Variants in PHF14 observed in about 807,000 individuals in gnomAD.
PHF14 encodes the protein PHD finger protein 14.
A neutral mutation model predicts 117.9 loss-of-function variants in PHF14; 55 were observed. The ratio of observed to expected loss-of-function variants is 0.47; its 90% CI spans 0.38 to 0.58. PHF14 has a LOEUF of 0.58. Among genes scored for constraint, PHF14 ranks in the 20% least tolerant of loss-of-function variants. The pLI is 0.00. For missense variants in PHF14, 978 were observed against 1,122.2 expected (o/e 0.87, Z 1.84); for synonymous variants, 409 against 368.6 (o/e 1.11, Z -1.26).
At chr7:11,125,792 AT>A (rs1787912068) in intron 17 of PHF14, among the ~76,000 whole-genome samples, 1 of 151,988 alleles carries the variant, frequency 6.6e-6, no homozygotes, top group Admixed American at 6.6e-5. Flanking sequence ...GATACAACCT[AT>A]TTTAATATTT....
intron 8 of PHF14, 96 bp from the exon 9 acceptor site, chr7:11,036,322 C>A: frequency 9.4e-7 from 1 of 1,066,120 alleles, no homozygotes; most frequent in Non-Finnish European, 1.4e-6. Context: ...TTCTGATTAT[C>A]TTTCTGTGAA....
chr7:11,002,812 A>C (rs1782925160), intron 4 of PHF14, among the ~76,000 whole-genome samples: 1 of 152,194 alleles, frequency 6.6e-6, no homozygotes, highest in East Asian at 1.9e-4. Flanking sequence ...GGCAAAAATG[A>C]AATGCTGATG....
chr7:11,003,281 C>G (rs1782947993), intron 4 of PHF14, among the ~76,000 whole-genome samples: 2 of 152,192 alleles, frequency 1.3e-5, no homozygotes, highest in Admixed American at 1.3e-4. Flanking sequence ...TAGCAGGACT[C>G]TCTGAGATCC....
intron 16 of PHF14, chr7:11,111,125 T>G (rs1787430705): frequency 2.4e-6 from 1 of 409,082 alleles, no homozygotes; most frequent in East Asian, 4.0e-5. Flanking sequence ...ATATTTGTTT[T>G]GTTTGTTGAT....
chr7:11,020,339 C>T (rs1267306324), intron 5 of PHF14, among the ~76,000 whole-genome samples: 6 of 152,136 alleles, frequency 3.9e-5, no homozygotes, highest in African/African-American at 1.4e-4. Context: ...GTCCTCCCAC[C>T]TCAGCCTTCC....
At chr7:11,122,398 CATATATAT>C (rs199497476) in intron 17 of PHF14, among the ~76,000 whole-genome samples, 6 of 123,526 alleles carry the variant, frequency 4.9e-5, no homozygotes, top group Non-Finnish European at 1.0e-4. Context: ...CATACACACA[CATATATAT>C]ATACACGTAT....
intron 5 of PHF14, among the ~76,000 whole-genome samples, chr7:11,019,897 T>G (rs1408962820): frequency 6.6e-6 from 1 of 152,202 alleles, no homozygotes; most frequent in Non-Finnish European, 1.5e-5. Flanking sequence ...GGGCTTTTGC[T>G]GTATCCCATA....
At chr7:11,044,324 A>AT (rs1554263657) in intron 13 of PHF14, among the ~76,000 whole-genome samples, 1 of 152,060 alleles carries the variant, frequency 6.6e-6, no homozygotes, top group East Asian at 1.9e-4. Flanking sequence ...AAAAGTTGAA[A>AT]TTAAAAAAAA....
intron 14 of PHF14, among the ~76,000 whole-genome samples, chr7:11,053,442 G>C (rs1784910068): frequency 6.6e-6 from 1 of 151,898 alleles, no homozygotes; most frequent in African/African-American, 2.4e-5. Flanking sequence ...GTTTATAAGG[G>C]AACTAGAGAG....
intron 13 of PHF14, among the ~76,000 whole-genome samples, chr7:11,050,120 ACT>A (rs1229556458): frequency 6.6e-6 from 1 of 152,120 alleles, no homozygotes; most frequent in Non-Finnish European, 1.5e-5. Context: ...TTGGTATTTA[ACT>A]CTTGTTGGAG....
At chr7:11,145,113 T>C (rs1283502697) in intron 17 of PHF14, among the ~76,000 whole-genome samples, 1 of 151,884 alleles carries the variant, frequency 6.6e-6, no homozygotes, top group Non-Finnish European at 1.5e-5. Context: ...ATGTCTATTT[T>C]ATACCACAAT....
At chr7:10,980,841 A>C (rs1782023723) in intron 2 of PHF14, among the ~76,000 whole-genome samples, 1 of 152,200 alleles carries the variant, frequency 6.6e-6, no homozygotes, top group African/African-American at 2.4e-5. Context: ...CTGAGAAATT[A>C]TGAATTCTGA....
At chr7:10,995,074 A>G (rs999092781) in intron 4 of PHF14, among the ~76,000 whole-genome samples, 2 of 152,178 alleles carry the variant, frequency 1.3e-5, no homozygotes, top group African/African-American at 2.4e-5. Context: ...AAGTTCTCCA[A>G]GTCCGCACAG....
At chr7:11,020,578 C>T (rs879379064) in intron 5 of PHF14, among the ~76,000 whole-genome samples, 2 of 152,024 alleles carry the variant, frequency 1.3e-5, no homozygotes, top group African/African-American at 4.8e-5. Flanking sequence ...GGGGTTTCAC[C>T]ATGTTGCGCA....
chr7:11,062,852 C>T (rs1785279270), intron 16 of PHF14: 1 of 984,682 alleles, frequency 1.0e-6, no homozygotes, highest in Non-Finnish European at 1.2e-6. Context: ...AGGACAGTGT[C>T]ACAAAAGTTC....
chr7:11,031,654 C>T lies in PHF14; in HGVS notation c.1455+2836C>T, dbSNP rs147865774. ...CTGTAGTCTGAGCTACTAGAGAGGC[C>T]GAGGTGAGAGGATCACATATACCCG... On this transcript the variant is annotated intron_variant, in intron 7 of 17. Coordinates refer to ENST00000634607, the MANE Select transcript of PHF14 (RefSeq NM_001007157.2). 1.2e-4 allele frequency among the ~76,000 whole-genome samples: 18 copies of T among 151,538 alleles called. No homozygotes were observed. The East Asian group carries it at 3.3e-3, about 28-fold the overall frequency.
At chr7:10,978,334 A>T (rs1781938750) in intron 2 of PHF14, among the ~76,000 whole-genome samples, 2 of 152,212 alleles carry the variant, frequency 1.3e-5, no homozygotes, top group Admixed American at 1.3e-4. Context: ...GATACAAAGG[A>T]TGGTTGATCA....
chr7:11,107,310 C>G (rs777693981), intron 16 of PHF14: 4 of 958,348 alleles, frequency 4.2e-6, no homozygotes, highest in Non-Finnish European at 5.0e-6. Context: ...GGGTGCTATT[C>G]TTAATCATAT....
intron 14 of PHF14, chr7:11,061,555 G>T: frequency 3.4e-6 from 1 of 291,824 alleles, no homozygotes. Context: ...TCAGATACAT[G>T]TTTATTTAAA....
Sources: allele counts gnomAD v4.1 joint callset (sites outside exome capture counted in the v4.1 genomes callset), GRCh38; gene constraint gnomAD v4.1.1; transcripts MANE v1.5; gene names NCBI Gene and HGNC (gene_info 2026-07-23, HGNC 2026-07-21).